Variants in KAZN observed in about 807,000 individuals in gnomAD.
KAZN encodes kazrin.
Under a neutral mutation model 87.4 loss-of-function variants are expected in KAZN, and 40 were observed. The observed-to-expected ratio is 0.46, with a 90% confidence interval of 0.36 to 0.60. KAZN has a LOEUF of 0.60. Among genes scored for constraint, KAZN ranks in the 20% least tolerant of loss-of-function variants. KAZN has a pLI of 0.00. For missense variants in KAZN, 898 were observed against 1,073.9 expected (o/e 0.84, Z 2.29); for synonymous variants, 466 against 458.3 (o/e 1.02, Z -0.22).
At chr1:15,105,400 C>A (rs543012784) in intron 13 of KAZN, among the ~76,000 whole-genome samples, 1 of 152,284 alleles carries the variant, frequency 6.6e-6, no homozygotes, top group East Asian at 1.9e-4. Context: ...TAGCTTATAT[C>A]TTTCTAGGAA....
At chr1:14,583,316 G>A (rs1319090818) in intron 2 of KAZN, among the ~76,000 whole-genome samples, 1 of 152,176 alleles carries the variant, frequency 6.6e-6, no homozygotes, top group Admixed American at 6.5e-5. Flanking sequence ...GAGTGAATAA[G>A]TACAAGAGTG....
chr1:14,968,389 C>A (rs6669276), intron 2 of KAZN, among the ~76,000 whole-genome samples: 26,111 of 152,162 alleles, frequency 0.17, 2,393 homozygotes, highest in African/African-American at 0.21. Flanking sequence ...TCGCCCCTCA[C>A]CTCCTGCTGT....
chr1:14,833,407 G>A (rs1438561750), intron 1 of KAZN, among the ~76,000 whole-genome samples: 1 of 152,198 alleles, frequency 6.6e-6, no homozygotes, highest in Non-Finnish European at 1.5e-5. Context: ...GCAGCAGAAT[G>A]GGAGTGAGAC....
In KAZN at chr1:15,040,990, GC is replaced by G. The variant is rs199576839; in HGVS notation, c.556-2996del. On this transcript the variant is annotated intron_variant, in intron 3 of 14. Transcript: ENST00000376030. ...TTTTGAGATGGAGTTTCACTCTGTT[GC>G]CCAGGCTGGAGTGCAGTGGCATGAT... is the stretch of plus-strand genomic sequence containing the variant. Among the ~76,000 whole-genome samples, 3 of 151,474 alleles carry G rather than the reference GC, an allele frequency of 2.0e-5. No individual in the cohort carries two copies. The East Asian group carries it at 5.9e-4, about 30-fold the overall frequency.
intron 2 of KAZN, among the ~76,000 whole-genome samples, chr1:15,014,142 A>G (rs1669853478): frequency 6.6e-6 from 1 of 152,090 alleles, no homozygotes; most frequent in Non-Finnish European, 1.5e-5. Flanking sequence ...GTCCTTCTGA[A>G]TGAGTCTCGA....
At chr1:14,700,466 G>A (rs1344490791) in intron 1 of KAZN, among the ~76,000 whole-genome samples, 1 of 146,310 alleles carries the variant, frequency 6.8e-6, no homozygotes. Flanking sequence ...ACAAGACTCT[G>A]TCTTAAAAAA....
Position 14,949,488 on chromosome 1 carries a change from G to A in KAZN, c.227-11196G>A, listed in dbSNP as rs1040289205. Among the ~76,000 whole-genome samples, 26 of 152,252 alleles carry A rather than the reference G, an allele frequency of 1.7e-4. No individual in the cohort carries two copies. Among genetic ancestry groups the A allele is most frequent in the African/African-American group, 6.3e-4 (26 of 41,520 alleles). On this transcript the variant is annotated intron_variant, in intron 1 of 14. Transcript: ENST00000376030. The surrounding 1 kb of genome is among the most constrained non-coding windows in gnomAD (Gnocchi z 4.3). Reference sequence around the variant, plus strand: ...GCAGTCCTTGCTGCCACCAGCAGTCGGGAACCCAGCCACTCTGGTGGCAGG... The same window carrying A: ...GCAGTCCTTGCTGCCACCAGCAGTCAGGAACCCAGCCACTCTGGTGGCAGG...
chr1:14,573,802 C>A (rs1345773622), intron 2 of KAZN, among the ~76,000 whole-genome samples: 1 of 152,034 alleles, frequency 6.6e-6, no homozygotes, highest in Non-Finnish European at 1.5e-5. Context: ...TACTTTACCC[C>A]TAAGATTGTC....
At chr1:14,109,273 C>T (rs1644447423) in intron 1 of KAZN, among the ~76,000 whole-genome samples, 2 of 152,168 alleles carry the variant, frequency 1.3e-5, no homozygotes, top group Admixed American at 6.5e-5. Context: ...AGTATTTGCA[C>T]AGGGGTGGGC....
At position 13,990,436 on chromosome 1, in the gene KAZN, A is replaced by G. The variant is rs925526085; in HGVS notation, c.91+96680A>G. On this transcript the variant is annotated intron_variant, in intron 1 of 16. Coordinates refer to the KAZN transcript ENST00000636203. Reference sequence around the variant, plus strand: ...AAAAGCCAGATGTAAAGGAGAATATACTGTATAACTTTCCATTTATGAAAT... The same window carrying G: ...AAAAGCCAGATGTAAAGGAGAATATGCTGTATAACTTTCCATTTATGAAAT... 3.0e-4 allele frequency among the ~76,000 whole-genome samples: 45 copies of G among 152,296 alleles called. 1 individual carries two copies. The highest frequency in any genetic ancestry group is 6.8e-3 in the Middle Eastern group (2 of 294).
intron 1 of KAZN, among the ~76,000 whole-genome samples, chr1:14,151,032 A>T (rs1645462045): frequency 6.6e-6 from 1 of 152,178 alleles, no homozygotes; most frequent in Non-Finnish European, 1.5e-5. Flanking sequence ...ACATTATAAA[A>T]CTATGTGAAC....
At chr1:14,281,597 C>T (rs112787869) in intron 2 of KAZN, among the ~76,000 whole-genome samples, 1 of 152,174 alleles carries the variant, frequency 6.6e-6, no homozygotes, top group African/African-American at 2.4e-5. Context: ...TTCTAGAAGG[C>T]TGATATGCAC....
intron 2 of KAZN, among the ~76,000 whole-genome samples, chr1:14,189,682 A>G (rs1646383849): frequency 6.6e-6 from 1 of 152,136 alleles, no homozygotes; most frequent in Non-Finnish European, 1.5e-5. Context: ...AGACAAAGCA[A>G]TCACTTTTCC....
chr1:13,941,400 T>G (rs551100669), intron 1 of KAZN, among the ~76,000 whole-genome samples: 1 of 124,758 alleles, frequency 8.0e-6, no homozygotes, highest in South Asian at 3.3e-4. Flanking sequence ...CCTGTGGTCC[T>G]CAGTCCTCAG....
At chr1:14,265,690 T>C (rs914575212) in intron 2 of KAZN, among the ~76,000 whole-genome samples, 2 of 152,196 alleles carry the variant, frequency 1.3e-5, no homozygotes, top group African/African-American at 4.8e-5. Context: ...CACAGCATCC[T>C]TGGGACTCAG....
chr1:14,496,401 C>T (rs576537012), intron 2 of KAZN, among the ~76,000 whole-genome samples: 29 of 151,970 alleles, frequency 1.9e-4, no homozygotes, highest in East Asian at 9.7e-4. Context: ...CTTGTGCATG[C>T]GAATATAAAA....
At chr1:14,162,831 A>G (rs1256175225) in intron 1 of KAZN, among the ~76,000 whole-genome samples, 1 of 152,204 alleles carries the variant, frequency 6.6e-6, no homozygotes, top group African/African-American at 2.4e-5. Context: ...GGCGTGAGCC[A>G]CCACGCTTGG....
At chr1:14,594,351 T>C (rs907308124), upstream of KAZN, among the ~76,000 whole-genome samples, 1 of 152,108 alleles carries the variant, frequency 6.6e-6, no homozygotes, top group Non-Finnish European at 1.5e-5. Context: ...GGAAGCTGGT[T>C]TTGCAGACTT....
At chr1:14,387,270 A>G (rs1405096085) in intron 2 of KAZN, among the ~76,000 whole-genome samples, 1 of 152,080 alleles carries the variant, frequency 6.6e-6, no homozygotes, top group Non-Finnish European at 1.5e-5. Context: ...GTCCTCCCGT[A>G]GGTCAGAGTA....
Sources: gnomAD v4.1 joint callset for allele counts (sites outside exome capture counted in the v4.1 genomes callset) on GRCh38, gnomAD v4.1.1 for gene constraint, Gnocchi (gnomAD v3.1) non-coding constraint, MANE v1.5 for transcripts, NCBI Gene and HGNC (gene_info 2026-07-23, HGNC 2026-07-21) for gene names.